Variants in PHF24 observed in about 807,000 individuals in gnomAD.
PHF24 encodes Galpha inhibitory interacting protein.
A neutral mutation model predicts 42.6 loss-of-function variants in PHF24; 25 were observed. That is an observed-to-expected ratio of 0.59 (90% CI 0.43 to 0.82). The LOEUF (loss-of-function observed/expected upper bound fraction) is 0.82. PHF24 is among the 40% of genes least tolerant of loss of function. The pLI, the probability that PHF24 is intolerant of heterozygous loss-of-function variation, is 0.00. For missense variants in PHF24, 470 were observed against 538.1 expected, an observed-to-expected ratio of 0.87 and a Z score of 1.25; for synonymous variants, 185 against 204.8, an observed-to-expected ratio of 0.90 and a Z score of 0.83.
In PHF24 at chr9:34,972,545, G is replaced by T; in HGVS notation, c.564+14G>T. 1 of 1,585,090 alleles carries T rather than the reference G, an allele frequency of 6.3e-7. No individual in the cohort carries two copies. The highest frequency in any genetic ancestry group is 2.0e-4 in the Middle Eastern group (1 of 5,048). ...TGCCACTACTGTGTAAGTCTGGACT[G>T]CAGGGACAGCAGAGGACTTGGCACT... On this transcript the variant is annotated intron_variant, in intron 3 of 7. Transcript: ENST00000242315.
chr9:34,758,610 T>G, the PHF24 span, among the ~76,000 whole-genome samples: 1 of 152,108 alleles, frequency 6.6e-6, no homozygotes, highest in Non-Finnish European at 1.5e-5. The surrounding 1 kb of genome is among the most constrained non-coding windows in gnomAD (Gnocchi z 4.4). Context: ...GGAGGTGCAG[T>G]GGCTACTGGC....
chr9:34,912,971 A>G, the PHF24 span, among the ~76,000 whole-genome samples: 6 of 152,210 alleles, frequency 3.9e-5, no homozygotes, highest in Non-Finnish European at 5.9e-5. Context: ...GAAATATAGA[A>G]GCTCTAAGCA....
At chr9:34,881,878 C>T in the PHF24 span, among the ~76,000 whole-genome samples, 1 of 152,206 alleles carries the variant, frequency 6.6e-6, no homozygotes, top group African/African-American at 2.4e-5. Flanking sequence ...CAGCATCATC[C>T]TGATACCAAA....
chr9:34,937,210 G>C, the PHF24 span, among the ~76,000 whole-genome samples: 1 of 152,232 alleles, frequency 6.6e-6, no homozygotes, highest in Non-Finnish European at 1.5e-5. Flanking sequence ...AATAGAAAGG[G>C]GGAAAGGTGG....
chr9:34,726,962 C>G, the PHF24 span: 1 of 1,550,232 alleles, frequency 6.5e-7, no homozygotes, highest in Admixed American at 2.0e-5. Context: ...TCGCCGCACA[C>G]TTCTCTCCAG....
At chr9:34,865,782 C>T in the PHF24 span, among the ~76,000 whole-genome samples, 1 of 152,200 alleles carries the variant, frequency 6.6e-6, no homozygotes, top group African/African-American at 2.4e-5. Flanking sequence ...CTTCCAAGCT[C>T]ACTCAGTGAT....
the PHF24 span, among the ~76,000 whole-genome samples, chr9:34,688,105 G>A: frequency 6.6e-6 from 1 of 152,204 alleles, no homozygotes; most frequent in Admixed American, 6.5e-5. Flanking sequence ...AGGAGAGGAA[G>A]AGGATGTCAT....
the PHF24 span, among the ~76,000 whole-genome samples, chr9:34,863,903 C>A: frequency 6.6e-6 from 1 of 152,138 alleles, no homozygotes; most frequent in East Asian, 1.9e-4. Flanking sequence ...TCAAGATAAA[C>A]AGAGAAGGAA....
chr9:34,977,703 AAG>A, intron 7 of PHF24, 62 bp downstream of exon 7: 3 of 1,366,586 alleles, frequency 2.2e-6, no homozygotes, highest in Non-Finnish European at 3.1e-6. Context: ...ACACACAAGT[AAG>A]AGAGGGCATT....
the PHF24 span, chr9:34,709,492 T>C: frequency 6.2e-7 from 1 of 1,613,992 alleles, no homozygotes; most frequent in Non-Finnish European, 8.5e-7. Flanking sequence ...ATCCCTCAGA[T>C]TCCTCACCTC....
the PHF24 span, among the ~76,000 whole-genome samples, chr9:34,760,192 T>C: frequency 6.6e-6 from 1 of 152,226 alleles, no homozygotes. Context: ...AAACTTGCTT[T>C]AAGCCAGACT....
chr9:34,878,680 A>G, the PHF24 span, among the ~76,000 whole-genome samples: 3 of 152,232 alleles, frequency 2.0e-5, no homozygotes, highest in Admixed American at 6.5e-5. Context: ...GGCGTCCGCC[A>G]TTGCTGAGGC....
At chr9:34,970,718 G>A (rs1826942673) in intron 1 of PHF24, among the ~76,000 whole-genome samples, 1 of 152,154 alleles carries the variant, frequency 6.6e-6, no homozygotes, top group African/African-American at 2.4e-5. Flanking sequence ...GAGAAATTTG[G>A]ATTCTGAAGT....
At chr9:34,847,790 A>G in the PHF24 span, among the ~76,000 whole-genome samples, 1 of 152,128 alleles carries the variant, frequency 6.6e-6, no homozygotes, top group Non-Finnish European at 1.5e-5. Flanking sequence ...TACCTAATTT[A>G]TTGAGAGTTT....
At chr9:34,963,934 T>A (rs1461749922) in intron 1 of PHF24, among the ~76,000 whole-genome samples, 1 of 152,362 alleles carries the variant, frequency 6.6e-6, no homozygotes, top group African/African-American at 2.4e-5. Context: ...TTAAATAAAT[T>A]GTTTATGTTG....
chr9:34,965,677 A>G (rs1020624059), intron 1 of PHF24, among the ~76,000 whole-genome samples: 2 of 152,370 alleles, frequency 1.3e-5, no homozygotes, highest in South Asian at 4.1e-4. Context: ...CTTACAGTTA[A>G]TAATGGGTTG....
At position 34,977,081 on chromosome 9, in the gene PHF24, A is replaced by G; in HGVS notation, c.850-2A>G. 6.3e-7 allele frequency: 1 copy of G among 1,588,142 alleles called. No homozygotes were observed. Among genetic ancestry groups the G allele is most frequent in the Non-Finnish European group, 8.6e-7 (1 of 1,166,620 alleles). On this transcript the variant is annotated splice_acceptor_variant, in intron 5 of 7. Coordinates refer to ENST00000242315, the Ensembl canonical transcript of PHF24. LOFTEE classifies it high-confidence loss of function. ...TCTAAGATCTTGTCTCTTCTTCCCCAGAACTCTCTGTTGAGGCTTCTGACA... is the reference window on the plus strand; with the variant it reads ...TCTAAGATCTTGTCTCTTCTTCCCCGGAACTCTCTGTTGAGGCTTCTGACA...
the PHF24 span, among the ~76,000 whole-genome samples, chr9:34,930,545 G>A: frequency 2.0e-5 from 3 of 152,162 alleles, no homozygotes; most frequent in African/African-American, 4.8e-5. Context: ...GGAAGGAAGC[G>A]AAGGAGCCCC....
the PHF24 span, chr9:34,834,493 A>G: frequency 5.1e-5 from 79 of 1,551,726 alleles, no homozygotes; most frequent in African/African-American, 6.8e-4. Flanking sequence ...GGCCCCAGCG[A>G]TGGCGAATCG....
Sources: allele counts gnomAD v4.1 joint callset (sites outside exome capture counted in the v4.1 genomes callset), GRCh38; gene constraint gnomAD v4.1.1; non-coding constraint Gnocchi (gnomAD v3.1); transcripts MANE v1.5; gene names NCBI Gene and HGNC (gene_info 2026-07-23, HGNC 2026-07-21).